The following KHDRBS2 variants were observed in gnomAD, a reference collection of about 807,000 sequenced individuals.
The protein encoded by KHDRBS2 is KH domain-containing, RNA-binding, signal transduction-associated protein 2.
In KHDRBS2, 26 loss-of-function variants were observed where a neutral mutation model predicts 44.3. That is an observed-to-expected ratio of 0.59 (90% CI 0.43 to 0.81). The LOEUF is 0.81. KHDRBS2 is among the 40% of genes least tolerant of loss of function. The pLI is 0.00. For synonymous variants in KHDRBS2, 194 were observed against 151.1 expected (o/e 1.28, Z -2.08); for missense variants, 476 against 433.1 (o/e 1.10, Z -0.88).
chr6:61,565,626 C>T, the KHDRBS2 span, among the ~76,000 whole-genome samples: 1 of 151,672 alleles, frequency 6.6e-6, no homozygotes, highest in Admixed American at 6.6e-5. Context: ...ATTATTTTAC[C>T]CCAGTTAAGA....
At chr6:62,211,994 A>G (rs1272152352) in intron 1 of KHDRBS2, among the ~76,000 whole-genome samples, 1 of 152,212 alleles carries the variant, frequency 6.6e-6, no homozygotes, top group Non-Finnish European at 1.5e-5. Context: ...GAATGAGATC[A>G]TGTCCTTTGC....
At chr6:62,265,106 G>T (rs1838975828) in intron 1 of KHDRBS2, among the ~76,000 whole-genome samples, 2 of 151,864 alleles carry the variant, frequency 1.3e-5, no homozygotes, top group Non-Finnish European at 1.5e-5. Context: ...AACTATCAGA[G>T]AACTATTAAG....
chr6:61,671,468 A>G, the KHDRBS2 span, among the ~76,000 whole-genome samples: 1 of 151,746 alleles, frequency 6.6e-6, no homozygotes, highest in African/African-American at 2.4e-5. Context: ...AATTCCTCTC[A>G]TAATAAAGTG....
chr6:62,283,369 GCACTGATTTGCCTGTAT>G (rs569887418), intron 1 of KHDRBS2, among the ~76,000 whole-genome samples: 129 of 152,214 alleles, frequency 8.5e-4, no homozygotes, highest in African/African-American at 2.6e-3. Context: ...TGTCAATTGA[GCACTGATTTGCCTGTAT>G]CACCAATCAA....
At chr6:61,576,380 A>C in the KHDRBS2 span, among the ~76,000 whole-genome samples, 1 of 152,036 alleles carries the variant, frequency 6.6e-6, no homozygotes, top group African/African-American at 2.4e-5. Context: ...TTTGTTTCTC[A>C]GCTTGATTGT....
intron 7 of KHDRBS2, among the ~76,000 whole-genome samples, chr6:61,726,220 C>T (rs1773539093): frequency 6.6e-6 from 1 of 152,098 alleles, no homozygotes; most frequent in Admixed American, 6.5e-5. Context: ...TAAAATTCAA[C>T]ATCCCTTCAT....
intron 6 of KHDRBS2, among the ~76,000 whole-genome samples, chr6:61,768,711 G>A (rs1427572663): frequency 6.6e-6 from 1 of 152,024 alleles, no homozygotes; most frequent in Non-Finnish European, 1.5e-5. Context: ...TGTTGCCAGG[G>A]TTTGGGGTAG....
the KHDRBS2 span, among the ~76,000 whole-genome samples, chr6:61,590,666 C>CT: frequency 6.6e-6 from 1 of 152,090 alleles, no homozygotes; most frequent in Non-Finnish European, 1.5e-5. Context: ...TGTGAATTTA[C>CT]TTTCTGGTCT....
intron 2 of KHDRBS2, among the ~76,000 whole-genome samples, chr6:62,066,934 A>T (rs1793868183): frequency 1.3e-5 from 2 of 151,634 alleles, no homozygotes; most frequent in African/African-American, 4.8e-5. Context: ...AGTTCTAACC[A>T]TTATAAAAAA....
intron 8 of KHDRBS2, among the ~76,000 whole-genome samples, chr6:61,681,828 C>T (rs564087590): frequency 5.3e-4 from 81 of 151,976 alleles, no homozygotes; most frequent in African/African-American, 1.9e-3. Context: ...TGGAAAATAG[C>T]TATTGTAAAA....
chr6:62,059,582 T>C (rs1049778646), intron 2 of KHDRBS2, among the ~76,000 whole-genome samples: 1 of 151,704 alleles, frequency 6.6e-6, no homozygotes, highest in East Asian at 2.0e-4. Context: ...AAAGATAGTG[T>C]ACCATTAATA....
At chr6:62,063,452 C>G (rs1261269527) in intron 2 of KHDRBS2, among the ~76,000 whole-genome samples, 1 of 151,026 alleles carries the variant, frequency 6.6e-6, no homozygotes. Flanking sequence ...GGCTTCATCC[C>G]TGGGATGCAA....
At chr6:61,761,208 G>C (rs1231830804) in intron 6 of KHDRBS2, among the ~76,000 whole-genome samples, 1 of 152,144 alleles carries the variant, frequency 6.6e-6, no homozygotes, top group Non-Finnish European at 1.5e-5. Context: ...TGCAAATCAG[G>C]ATGCAGATCA....
chr6:61,693,822 A>T (rs997507258), intron 8 of KHDRBS2, among the ~76,000 whole-genome samples: 1 of 152,148 alleles, frequency 6.6e-6, no homozygotes, highest in Non-Finnish European at 1.5e-5. Context: ...AGAAAGTACA[A>T]TATAAGACTC....
the KHDRBS2 span, among the ~76,000 whole-genome samples, chr6:61,545,999 A>T: frequency 6.6e-6 from 1 of 152,236 alleles, no homozygotes; most frequent in East Asian, 1.9e-4. Flanking sequence ...TCTGTTGTTT[A>T]AGCCATACAG....
At chr6:62,040,270 C>A (rs1584309413) in intron 3 of KHDRBS2, among the ~76,000 whole-genome samples, 1 of 151,912 alleles carries the variant, frequency 6.6e-6, no homozygotes, top group Admixed American at 6.6e-5. Context: ...CACACACACA[C>A]CCGTCTAGAA....
At chr6:62,154,583 C>T (rs1165862012) in intron 2 of KHDRBS2, among the ~76,000 whole-genome samples, 1 of 151,950 alleles carries the variant, frequency 6.6e-6, no homozygotes. Flanking sequence ...TTAAAATTTC[C>T]TTAGTTTCTC....
chr6:62,198,272 C>G (rs1188041351), intron 1 of KHDRBS2, among the ~76,000 whole-genome samples: 2 of 152,034 alleles, frequency 1.3e-5, no homozygotes, highest in Admixed American at 1.3e-4. Flanking sequence ...ACACAAAAAC[C>G]CTTCCAAAAA....
At chr6:62,229,455 C>A (rs1342894014) in intron 1 of KHDRBS2, among the ~76,000 whole-genome samples, 1 of 152,162 alleles carries the variant, frequency 6.6e-6, no homozygotes, top group Non-Finnish European at 1.5e-5. Context: ...CTATCAGTCC[C>A]AGTGTTGGAC....
Sources: allele counts gnomAD v4.1 joint callset (sites outside exome capture counted in the v4.1 genomes callset), GRCh38; gene constraint gnomAD v4.1.1; transcripts MANE v1.5; gene names NCBI Gene and HGNC (gene_info 2026-07-23, HGNC 2026-07-21).